The following HTT variants were observed in gnomAD, a reference collection of about 807,000 sequenced individuals.
HTT encodes the protein huntington disease protein.
Under a neutral mutation model 362.3 loss-of-function variants are expected in HTT, and 104 were observed. That is an observed-to-expected ratio of 0.29 (90% confidence interval 0.24 to 0.34). The LOEUF is 0.34. HTT is among the 10% of genes least tolerant of loss of function. The pLI, the probability that HTT is intolerant of heterozygous loss-of-function variation, is 1.00. For missense variants in HTT, 3,301 were observed against 3,928.6 expected (o/e 0.84, Z 4.27); for synonymous variants, 1,577 against 1,548.7 (o/e 1.02, Z -0.43).
intron 29 of HTT, among the ~76,000 whole-genome samples, chr4:3,162,767 A>G (rs1192984192): frequency 1.3e-5 from 2 of 152,200 alleles, no homozygotes; most frequent in Admixed American, 6.5e-5. Flanking sequence ...ATTTTTGCAC[A>G]TTGATTTTGT....
chr4:3,205,534 AAG>A (rs1314906014), intron 42 of HTT, among the ~76,000 whole-genome samples: 2 of 152,186 alleles, frequency 1.3e-5, no homozygotes, highest in African/African-American at 4.8e-5. Flanking sequence ...TATAAGAAAA[AAG>A]ATACTAATTT....
chr4:3,087,059 CT>C (rs758750804), intron 2 of HTT, 37 bp downstream of exon 2: 2 of 1,146,184 alleles, frequency 1.7e-6, no homozygotes, highest in Non-Finnish European at 1.3e-6. Context: ...AAAATAAGAA[CT>C]TTGTATATTT....
At chr4:3,149,106 A>T (rs941031905) in intron 26 of HTT, among the ~76,000 whole-genome samples, 2 of 152,216 alleles carry the variant, frequency 1.3e-5, no homozygotes, top group African/African-American at 4.8e-5. Context: ...CAAGTACCTC[A>T]TTGCTGTCTC....
intron 21 of HTT, among the ~76,000 whole-genome samples, chr4:3,139,191 A>C (rs1016451569): frequency 6.6e-6 from 1 of 152,090 alleles, no homozygotes; most frequent in African/African-American, 2.4e-5. Context: ...AATGATAGCA[A>C]CTTCTTTTTG....
At chr4:3,088,584 A>G (rs774915836) in intron 2 of HTT, among the ~76,000 whole-genome samples, 2 of 152,216 alleles carry the variant, frequency 1.3e-5, no homozygotes, top group Non-Finnish European at 2.9e-5. Context: ...CATCACTGCC[A>G]TCTACTTCAT....
chr4:3,086,240 G>A (rs1713201280), intron 1 of HTT, among the ~76,000 whole-genome samples: 1 of 152,224 alleles, frequency 6.6e-6, no homozygotes. Flanking sequence ...ATTCAAACGT[G>A]AAATTGATTG....
intron 44 of HTT, 82 bp downstream of exon 44, chr4:3,207,065 C>G: frequency 7.4e-7 from 1 of 1,359,760 alleles, no homozygotes; most frequent in Non-Finnish European, 1.0e-6. Flanking sequence ...CTTTTTCCTC[C>G]GTAAGTATGG....
chr4:3,199,634 G>A (rs1254417940), intron 40 of HTT, 98 bp from the exon 41 acceptor site: 5 of 1,045,592 alleles, frequency 4.8e-6, no homozygotes, highest in East Asian at 4.9e-5. Flanking sequence ...TATGGGAGAC[G>A]ACTCAGCCTG....
chr4:3,147,887 C>A, intron 25 of HTT, 118 bp from the exon 26 acceptor site: 1 of 717,182 alleles, frequency 1.4e-6, no homozygotes, highest in Non-Finnish European at 2.3e-6. Context: ...AGTTGAATAT[C>A]AGGCACAGAT....
In HTT at chr4:3,223,410, A is replaced by G; in HGVS notation, c.7475A>G (p.Asp2492Gly). ...MEQEESPPEE[D>G]TERTQINVLA... ...ACATGTGGGCTCTCCTTCCAGGAAG[A>G]CACAGAGAGGACCCAGATCAACGTC... The change falls in exon 55 of 67, where the codon GAC becomes GGC. Residue 2492 changes from aspartate (D) to glycine (G), a missense_variant. Transcript: ENST00000355072. The G allele has an allele frequency of 1.3e-6, 2 of 1,587,234 alleles. No homozygotes were observed. Among genetic ancestry groups the G allele is most frequent in the Non-Finnish European group, 8.6e-7 (1 of 1,165,704 alleles).
intron 2 of HTT, among the ~76,000 whole-genome samples, chr4:3,094,056 G>GCCCT (rs1713678989): frequency 6.6e-6 from 1 of 151,894 alleles, no homozygotes; most frequent in Non-Finnish European, 1.5e-5. Context: ...TAGGCAGAGG[G>GCCCT]CCCTGCCACG....
chr4:3,195,826 C>T (rs188882824), intron 40 of HTT, among the ~76,000 whole-genome samples: 238 of 152,310 alleles, frequency 1.6e-3, no homozygotes, highest in African/African-American at 5.4e-3. Context: ...CAGGCCTTCA[C>T]ATCCTCTGTG....
intron 6 of HTT, 71 bp from the exon 7 acceptor site, chr4:3,115,231 TAA>T (rs780549892): frequency 2.3e-4 from 323 of 1,425,436 alleles, no homozygotes; most frequent in Non-Finnish European, 3.0e-4. Context: ...TAATTCACGT[TAA>T]GTTTTATGTA....
At chr4:3,234,408 G>T (rs362270) in intron 61 of HTT, among the ~76,000 whole-genome samples, 38,640 of 152,280 alleles carry the variant, frequency 0.25, 5,596 homozygotes, top group East Asian at 0.46. Flanking sequence ...CATCCCTGGA[G>T]CCTGGCATAG....
At chr4:3,196,947 G>A (rs1719283688) in intron 40 of HTT, among the ~76,000 whole-genome samples, 1 of 152,130 alleles carries the variant, frequency 6.6e-6, no homozygotes, top group African/African-American at 2.4e-5. Flanking sequence ...TGCCCATGGT[G>A]GTTTGTTTCC....
chr4:3,207,310 A>G lies in HTT; in HGVS notation c.6105A>G (p.Glu2035=), dbSNP rs759844408. 1.6e-5 allele frequency: 26 copies of G among 1,613,822 alleles called. No individual in the cohort carries two copies. Among genetic ancestry groups the G allele is most frequent in the Admixed American group, 3.3e-5 (2 of 59,978 alleles). The change falls in exon 45 of 67, where the codon GAA becomes GAG. Residue 2035 remains glutamate, a synonymous_variant. Transcript: ENST00000355072. ...QSSMAQLPME[E]LNRIQEYLQS... Reference sequence around the variant, plus strand: ...GCATGGCCCAGTTGCCAATGGAAGAACTCAACAGAATCCAGGAATACCTTC... The same window carrying G: ...GCATGGCCCAGTTGCCAATGGAAGAGCTCAACAGAATCCAGGAATACCTTC...
intron 52 of HTT, among the ~76,000 whole-genome samples, chr4:3,219,844 G>A (rs1288376551): frequency 5.3e-5 from 8 of 152,194 alleles, no homozygotes; most frequent in Non-Finnish European, 8.8e-5. Flanking sequence ...TTGAACGCCT[G>A]CCTTTATTCT....
rs1381361391 is a variant in HTT, at chr4:3,074,772, G to A, written c.-54G>A. On this transcript the variant is annotated 5_prime_UTR_variant, in exon 1 of 67. Transcript: ENST00000355072. Reference sequence around the variant, plus strand: ...ATTCATTGCCCCGGTGCTGAGCGGCGCCGCGAGTCGGCCCGAGGCCTCCGG... The same window carrying A: ...ATTCATTGCCCCGGTGCTGAGCGGCACCGCGAGTCGGCCCGAGGCCTCCGG... The A allele has an allele frequency of 4.7e-6, 7 of 1,496,252 alleles. No individual in the cohort carries two copies. The East Asian group carries it at 2.0e-4, about 42-fold the overall frequency. 92.7% of individuals were successfully genotyped at this position (1,496,252 alleles called of 1,614,324 possible).
At chr4:3,124,571 C>T (rs1049087218) in intron 10 of HTT, among the ~76,000 whole-genome samples, 7 of 152,062 alleles carry the variant, frequency 4.6e-5, no homozygotes, top group Non-Finnish European at 8.8e-5. Context: ...ACCCTGGGGA[C>T]GGCTCTGTGG....
Sources: allele counts gnomAD v4.1 joint callset (sites outside exome capture counted in the v4.1 genomes callset), GRCh38; gene constraint gnomAD v4.1.1; transcripts MANE v1.5; gene names NCBI Gene and HGNC (gene_info 2026-07-23, HGNC 2026-07-21).